Variants in ENDOU observed in about 807,000 individuals in gnomAD.
ENDOU encodes the protein endonuclease, poly(U) specific.
Under a neutral mutation model 54.2 loss-of-function variants are expected in ENDOU, and 49 were observed. The ratio of observed to expected loss-of-function variants is 0.90; its 90% CI spans 0.72 to 1.15. The LOEUF (loss-of-function observed/expected upper bound fraction) is 1.15, where lower values mean the gene tolerates loss of function less well. ENDOU is among the 50% of genes most tolerant of loss of function. The probability of loss-of-function intolerance (pLI) is 0.00; values close to 1 mark genes in which losing one functional copy is unlikely to be tolerated. For missense variants in ENDOU, 458 were observed against 511.4 expected, an observed-to-expected ratio of 0.90 and a Z score of 1.01; for synonymous variants, 172 against 190.5, an observed-to-expected ratio of 0.90 and a Z score of 0.80.
At chr12:47,715,435 G>A (rs1229625431) in intron 6 of ENDOU, among the ~76,000 whole-genome samples, 1 of 152,246 alleles carries the variant, frequency 6.6e-6, no homozygotes, top group African/African-American at 2.4e-5. Flanking sequence ...CCCTTGCTCA[G>A]TCTAGACCTC....
chr12:47,719,578 G>A (rs1404110978), intron 2 of ENDOU: 2 of 152,036 alleles, frequency 1.3e-5, no homozygotes, highest in Non-Finnish European at 2.9e-5. Flanking sequence ...TAAGTCTCAC[G>A]ATATCTTATG....
chr12:47,711,191 G>A (rs546445775), intron 9 of ENDOU, among the ~76,000 whole-genome samples: 13 of 152,302 alleles, frequency 8.5e-5, no homozygotes, highest in African/African-American at 3.1e-4. Context: ...TTCTGGAGGT[G>A]AAATCCTTAG....
At chr12:47,718,108 C>T (rs943201929) in intron 3 of ENDOU, 21 bp downstream of exon 3, 32 of 1,556,296 alleles carry the variant, frequency 2.1e-5, no homozygotes, top group Non-Finnish European at 2.7e-5. Context: ...TGAGGGCCCC[C>T]CTTTGGGGAG....
intron 4 of ENDOU, 99 bp downstream of exon 4, chr12:47,717,419 C>T: frequency 7.3e-7 from 1 of 1,363,200 alleles, no homozygotes; most frequent in South Asian, 1.3e-5. Flanking sequence ...AACAAGTTCT[C>T]AGACATTGCT....
intron 9 of ENDOU, 62 bp from the exon 10 acceptor site, chr12:47,710,981 G>A (rs1333417822): frequency 6.1e-6 from 7 of 1,155,582 alleles, no homozygotes; most frequent in Non-Finnish European, 8.9e-6. Context: ...TCCCTGGGCT[G>A]GAAGGATCAA....
chr12:47,719,176 C>G (rs1364864958), intron 2 of ENDOU: 2 of 151,936 alleles, frequency 1.3e-5, no homozygotes, highest in African/African-American at 4.8e-5. Flanking sequence ...AAATCAGAAA[C>G]TTGAAGATGA....
intron 5 of ENDOU, 140 bp downstream of exon 5, chr12:47,716,750 T>C (rs1404041351): frequency 1.2e-6 from 1 of 845,518 alleles, no homozygotes; most frequent in Non-Finnish European, 1.9e-6. Context: ...TCCCTCAAGA[T>C]GGCTTTGTCT....
rs761395654 is a variant in ENDOU, at chr12:47,718,116, G to A, written c.244+13C>T. 5.1e-6 allele frequency: 8 copies of A among 1,560,986 alleles called. No individual in the cohort carries two copies. The highest frequency in any genetic ancestry group is 1.8e-4 in the Middle Eastern group (1 of 5,658). ...TTTATCTTGAGGGCCCCCCTTTGGG[G>A]AGGCAGGCTCACTGCTGGCGAGGGC... is the stretch of plus-strand genomic sequence containing the variant. On this transcript the variant is annotated intron_variant, in intron 3 of 9. Transcript: ENST00000422538.
rs372535604 is a variant in ENDOU, at chr12:47,713,406, G to C, written c.752-18C>G. ...ATAGCGATCTGCAGAGGAACACAAA[G>C]GGTTTTGGAGAGGGGAGGCAGGGCC... On this transcript the variant is annotated intron_variant, in intron 6 of 9. Transcript: ENST00000422538. 4.4e-6 allele frequency: 7 copies of C among 1,597,600 alleles called. No homozygotes were observed. In the African/African-American group the frequency reaches 8.0e-5, roughly 18 times the overall value.
At position 47,716,288 on chromosome 12, in the gene ENDOU, G is replaced by T; in HGVS notation, c.751+12C>A. ...GACTCATGCGCTCTGGGGCCTGGGG[G>T]TGCTCACTCACTCTGGTGATGGAGG... On this transcript the variant is annotated intron_variant, in intron 6 of 9. Coordinates refer to ENST00000422538, the MANE Select transcript of ENDOU (RefSeq NM_001172439.2). 3 of 1,613,418 alleles carry T rather than the reference G, an allele frequency of 1.9e-6. No homozygotes were observed. The highest frequency in any genetic ancestry group is 2.7e-5 in the African/African-American group (2 of 75,028).
chr12:47,716,374 T>C lies in ENDOU; in HGVS notation c.677A>G (p.Glu226Gly), dbSNP rs1222467909. Residue 226 changes from glutamate to glycine, a missense_variant, in exon 6 of 10, where the codon GAG becomes GGG. Coordinates refer to ENST00000422538, the MANE Select transcript of ENDOU (RefSeq NM_001172439.2). ...GATCTCTCTGAGGAAGGCGTCCTGC[T>C]CGGCCAGCTCCTGGGCACTGAAGTG... Reference protein sequence around the residue: ...GEHFSAQELAEQDAFLREIMK... With the variant: ...GEHFSAQELAGQDAFLREIMK... 6.2e-7 allele frequency: 1 copy of C among 1,614,072 alleles called. No individual in the cohort carries two copies. The highest frequency in any genetic ancestry group is 2.2e-5 in the East Asian group (1 of 44,898).
rs1434028626 is a variant in ENDOU at position 47,725,367 on chromosome 12, G to A, written c.47C>T (p.Ala16Val). 10 of 1,614,164 alleles carry A rather than the reference G, an allele frequency of 6.2e-6. No individual in the cohort carries two copies. Among genetic ancestry groups the A allele is most frequent in the Non-Finnish European group, 6.8e-6 (8 of 1,180,022 alleles). ...SLVLAVLCGL[A>V]WAGKIESCAS... is the part of the protein sequence containing the mutation. ...GCCAGATAGTGACTTACCAGCCCAG[G>A]CCAGGCCACACAGCACGGCCAATAC... The change falls in exon 1 of 10, where the codon GCC (alanine) becomes GTC (valine). Residue 16 changes from alanine (A) to valine (V), a missense_variant. Ala to Val is a moderately conservative substitution (Grantham distance 64). Transcript: ENST00000422538.
chr12:47,716,638 A>G (rs1592506901), intron 5 of ENDOU, 139 bp from the exon 6 acceptor site: 1 of 773,514 alleles, frequency 1.3e-6, no homozygotes. Context: ...TACTCTTGAA[A>G]GTCACACATC....
Position 47,711,705 on chromosome 12 carries a change from G to C in ENDOU, c.1043C>G (p.Ala348Gly), listed in dbSNP as rs1446259110. 1 of 1,614,086 alleles carries C rather than the reference G, an allele frequency of 6.2e-7. No individual in the cohort carries two copies. Among genetic ancestry groups the C allele is most frequent in the East Asian group, 2.2e-5 (1 of 44,896 alleles). ...WDGYYKEVGS[A>G]FIGSSPEFEF... ...AAACTCAGGGCTGCTGCCGATGAAAGCAGAGCCCACTTCCTTATAGTAGCC... is the reference window on the plus strand; with the variant it reads ...AAACTCAGGGCTGCTGCCGATGAAACCAGAGCCCACTTCCTTATAGTAGCC... Residue 348 changes from alanine (A) to glycine (G), a missense_variant, in exon 9 of 10, where the codon GCT becomes GGT. Ala to Gly is a moderately conservative substitution (Grantham distance 60, BLOSUM62 0). Coordinates refer to ENST00000422538, the MANE Select transcript of ENDOU (RefSeq NM_001172439.2).
chr12:47,717,834 C>T, intron 3 of ENDOU, 179 bp from the exon 4 acceptor site: 3 of 645,000 alleles, frequency 4.7e-6, no homozygotes, highest in Non-Finnish European at 7.9e-6. Flanking sequence ...CTTTCTGATG[C>T]CGAACTTTAC....
chr12:47,712,427 C>G, intron 8 of ENDOU, 89 bp downstream of exon 8: 1 of 1,000,798 alleles, frequency 1.0e-6, no homozygotes, highest in Non-Finnish European at 1.5e-6. Flanking sequence ...CCCTGAGAGT[C>G]AGGCTGAGAG....
At position 47,712,548 on chromosome 12, in the gene ENDOU, C is replaced by A; in HGVS notation, c.940G>T (p.Val314Phe). The A allele has an allele frequency of 1.2e-6, 2 of 1,614,154 alleles. No individual in the cohort carries two copies. Among genetic ancestry groups the A allele is most frequent in the Non-Finnish European group, 1.7e-6 (2 of 1,180,004 alleles). Reference sequence around the variant, plus strand: ...TCGTAGATGTGACTGTAATAGTCAACCAGACCCTCCTTCTCCTCCAGGTAG... The same window carrying A: ...TCGTAGATGTGACTGTAATAGTCAAACAGACCCTCCTTCTCCTCCAGGTAG... Reference protein sequence around the residue: ...RFYLEEKEGLVDYYSHIYDGP... With the variant: ...RFYLEEKEGLFDYYSHIYDGP... Residue 314 changes from valine to phenylalanine, a missense_variant, in exon 8 of 10, where the codon GTT becomes TTT. Transcript: ENST00000422538.
At chr12:47,710,993 C>T (rs1939980584) in intron 9 of ENDOU, 74 bp from the exon 10 acceptor site, 2 of 992,484 alleles carry the variant, frequency 2.0e-6, no homozygotes, top group East Asian at 4.9e-5. Context: ...AAGGATCAAG[C>T]CCAACTGAAG....
intron 1 of ENDOU, among the ~76,000 whole-genome samples, 168 bp downstream of exon 1, chr12:47,725,191 G>A (rs1309981676): frequency 6.6e-6 from 1 of 152,156 alleles, no homozygotes; most frequent in Admixed American, 6.5e-5. Context: ...CGGGACCAAC[G>A]CCTGCACCCT....
Sources: gnomAD v4.1 joint callset for allele counts (sites outside exome capture counted in the v4.1 genomes callset) on GRCh38, gnomAD v4.1.1 for gene constraint, MANE v1.5 for transcripts, NCBI Gene and HGNC (gene_info 2026-07-23, HGNC 2026-07-21) for gene names.